The following STYK1 variants were observed in gnomAD, a reference collection of about 807,000 sequenced individuals.
The protein encoded by STYK1 is STY kinase 1, also known as tyrosine-protein kinase STYK1.
A neutral mutation model predicts 48.1 loss-of-function variants in STYK1; 46 were observed. The ratio of observed to expected loss-of-function variants is 0.96; its 90% CI spans 0.75 to 1.22. STYK1 has a LOEUF of 1.22. STYK1 is among the 50% of genes most tolerant of loss of function. STYK1 has a pLI of 0.00. For missense variants in STYK1, 527 were observed against 521.1 expected (o/e 1.01, Z -0.11); for synonymous variants, 188 against 189.0 (o/e 0.99, Z 0.04).
At chr12:10,662,403 G>A (rs1947786779) in intron 1 of STYK1, among the ~76,000 whole-genome samples, 1 of 152,172 alleles carries the variant, frequency 6.6e-6, no homozygotes, top group Non-Finnish European at 1.5e-5. Flanking sequence ...TGCTGATATG[G>A]TAACTCTATG....
At chr12:10,638,613 A>G (rs1183253645) in intron 1 of STYK1, among the ~76,000 whole-genome samples, 1 of 152,208 alleles carries the variant, frequency 6.6e-6, no homozygotes, top group Non-Finnish European at 1.5e-5. Context: ...ACTATATTCT[A>G]TTTGCAACCA....
chr12:10,624,890 G>C (rs755336269), intron 7 of STYK1, 31 bp from the exon 8 acceptor site: 13 of 1,599,130 alleles, frequency 8.1e-6, no homozygotes, highest in South Asian at 3.3e-5. Flanking sequence ...ATGATCAGCT[G>C]TCTGAGATCA....
intron 1 of STYK1, among the ~76,000 whole-genome samples, chr12:10,665,775 T>C (rs1947827699): frequency 6.6e-6 from 1 of 152,232 alleles, no homozygotes; most frequent in South Asian, 2.1e-4. Flanking sequence ...AATACTCTGC[T>C]TCTTTTTTCT....
intron 1 of STYK1, among the ~76,000 whole-genome samples, chr12:10,666,011 TCTC>T (rs1445716947): frequency 1.3e-5 from 2 of 152,222 alleles, no homozygotes; most frequent in Non-Finnish European, 2.9e-5. Context: ...CGTTTGCCTC[TCTC>T]CTCCTTCCTT....
At chr12:10,664,169 T>G (rs1163741626) in intron 1 of STYK1, among the ~76,000 whole-genome samples, 1 of 152,084 alleles carries the variant, frequency 6.6e-6, no homozygotes, top group East Asian at 1.9e-4. Flanking sequence ...AGACAGAATA[T>G]AGGGCACTAC....
At chr12:10,627,759 A>G (rs975172010) in intron 6 of STYK1, 35 bp from the exon 7 acceptor site, 3 of 1,543,290 alleles carry the variant, frequency 1.9e-6, no homozygotes, top group Non-Finnish European at 1.8e-6. Flanking sequence ...ATTATATCAA[A>G]ATAGCACTCA....
At chr12:10,660,488 T>C (rs1439826600) in intron 1 of STYK1, among the ~76,000 whole-genome samples, 1 of 32,446 alleles carries the variant, frequency 3.1e-5, no homozygotes, top group Non-Finnish European at 7.7e-5. Flanking sequence ...TAGAGGCATT[T>C]GAACCAAGGC....
intron 1 of STYK1, among the ~76,000 whole-genome samples, chr12:10,647,902 T>C (rs1239987637): frequency 6.6e-6 from 1 of 152,222 alleles, no homozygotes; most frequent in Non-Finnish European, 1.5e-5. Flanking sequence ...TGCCTTGTCT[T>C]CTGCCATGAT....
At chr12:10,649,939 C>T (rs1947642260) in intron 1 of STYK1, among the ~76,000 whole-genome samples, 1 of 151,658 alleles carries the variant, frequency 6.6e-6, no homozygotes, top group South Asian at 2.1e-4. Context: ...GGTGAAACCC[C>T]GTCTCTACTA....
chr12:10,644,587 G>A (rs569591547), intron 1 of STYK1, among the ~76,000 whole-genome samples: 13 of 152,220 alleles, frequency 8.5e-5, no homozygotes, highest in African/African-American at 2.6e-4. Flanking sequence ...AAATACATAC[G>A]AGAATATCAA....
intron 1 of STYK1, among the ~76,000 whole-genome samples, chr12:10,668,321 C>T (rs563856341): frequency 2.0e-5 from 3 of 152,062 alleles, no homozygotes; most frequent in East Asian, 1.9e-4. Flanking sequence ...GTCCACTCTA[C>T]ACTGTCTGTC....
intron 10 of STYK1, 22 bp downstream of exon 10, chr12:10,621,851 GAGC>G: frequency 6.3e-7 from 1 of 1,599,794 alleles, no homozygotes; most frequent in South Asian, 1.1e-5. Flanking sequence ...AATGAAAGAG[GAGC>G]AGGCCTTTAA....
chr12:10,636,293 C>T lies in STYK1; in HGVS notation c.-69+778G>A, dbSNP rs374528590. On this transcript the variant is annotated intron_variant, in intron 2 of 10. Transcript: ENST00000075503. Reference sequence around the variant, plus strand: ...GTTTAATAGTTAAACAATTCCCTTACGACTCAAGAGAAACAAAACTGTGCA... The same window carrying T: ...GTTTAATAGTTAAACAATTCCCTTATGACTCAAGAGAAACAAAACTGTGCA... Among the ~76,000 whole-genome samples, 81 of 152,320 alleles carry T rather than the reference C, an allele frequency of 5.3e-4. 1 individual carries two copies. In the South Asian group the frequency reaches 0.015, roughly 28 times the overall value.
intron 7 of STYK1, among the ~76,000 whole-genome samples, chr12:10,625,235 T>C (rs1233249408): frequency 7.2e-6 from 1 of 138,454 alleles, no homozygotes; most frequent in Non-Finnish European, 1.6e-5. Flanking sequence ...TGTTTGTTTG[T>C]TTGAGACAGT....
At chr12:10,627,799 G>T in intron 6 of STYK1, 75 bp from the exon 7 acceptor site, 1 of 1,247,158 alleles carries the variant, frequency 8.0e-7, no homozygotes, top group Non-Finnish European at 1.1e-6. Flanking sequence ...AAGTTGGGCA[G>T]AGATACTCTG....
chr12:10,636,472 T>C (rs1450052945), intron 2 of STYK1, among the ~76,000 whole-genome samples: 2 of 152,120 alleles, frequency 1.3e-5, no homozygotes, highest in Non-Finnish European at 2.9e-5. Flanking sequence ...ATCCAGTGTG[T>C]AAACCAAAAT....
At chr12:10,631,423 G>A (rs552160684) in intron 4 of STYK1, 115 bp from the exon 5 acceptor site, 74 of 1,290,368 alleles carry the variant, frequency 5.7e-5, no homozygotes, top group African/African-American at 1.0e-4. Context: ...TTGGCCAATG[G>A]GGAGTTGTCT....
At chr12:10,628,123 C>G (rs960912966) in intron 6 of STYK1, among the ~76,000 whole-genome samples, 3 of 152,180 alleles carry the variant, frequency 2.0e-5, no homozygotes, top group African/African-American at 7.2e-5. Context: ...ATGTTAGGAA[C>G]TTGGAATACA....
intron 1 of STYK1, among the ~76,000 whole-genome samples, chr12:10,651,909 A>G (rs1947666876): frequency 6.6e-6 from 1 of 152,142 alleles, no homozygotes; most frequent in African/African-American, 2.4e-5. Flanking sequence ...CAAATTTAAA[A>G]GGTCATAGGC....
Sources: gnomAD v4.1 joint callset for allele counts (sites outside exome capture counted in the v4.1 genomes callset) on GRCh38, gnomAD v4.1.1 for gene constraint, MANE v1.5 for transcripts, NCBI Gene and HGNC (gene_info 2026-07-23, HGNC 2026-07-21) for gene names.